Variants in CNTNAP2 observed in about 807,000 individuals in gnomAD.
CNTNAP2 encodes the protein contactin-associated protein-like 2.
Under a neutral mutation model 155.2 loss-of-function variants are expected in CNTNAP2, and 98 were observed. That is an observed-to-expected ratio of 0.63 (90% CI 0.54 to 0.75). CNTNAP2 has a LOEUF of 0.75. Ranked by LOEUF, CNTNAP2 falls within the 30% of genes least tolerant of loss-of-function variation. CNTNAP2 has a pLI of 0.00. For synonymous variants in CNTNAP2, 651 were observed against 631.2 expected, an observed-to-expected ratio of 1.03 and a Z score of -0.47; for missense variants, 1,727 against 1,688.1, an observed-to-expected ratio of 1.02 and a Z score of -0.40.
At chr7:147,122,072 A>C (rs1801126130) in intron 6 of CNTNAP2, 1 of 152,054 alleles carries the variant, frequency 6.6e-6, no homozygotes, top group Admixed American at 6.6e-5. Flanking sequence ...GCTACTCAGG[A>C]GGCTGAGGCA....
At chr7:147,318,273 C>A (rs1399064422) in intron 9 of CNTNAP2, among the ~76,000 whole-genome samples, 1 of 152,084 alleles carries the variant, frequency 6.6e-6, no homozygotes, top group East Asian at 1.9e-4. Flanking sequence ...GAAACCCCAT[C>A]TTTGCAAAAA....
intron 3 of CNTNAP2, among the ~76,000 whole-genome samples, chr7:146,888,946 T>C (rs1254018505): frequency 6.6e-6 from 1 of 152,228 alleles, no homozygotes; most frequent in African/African-American, 2.4e-5. Flanking sequence ...TAGCTAATGA[T>C]ACTACGTTGC....
intron 1 of CNTNAP2, among the ~76,000 whole-genome samples, chr7:146,624,591 T>C (rs1214696332): frequency 6.6e-6 from 1 of 152,064 alleles, no homozygotes; most frequent in Non-Finnish European, 1.5e-5. Context: ...CTCTCTTCCA[T>C]TTTCTATTCC....
intron 1 of CNTNAP2, among the ~76,000 whole-genome samples, chr7:146,643,260 C>A (rs1441156199): frequency 6.6e-6 from 1 of 150,550 alleles, no homozygotes; most frequent in African/African-American, 2.4e-5. Context: ...ATGGTAATGC[C>A]TAGGTTTTCT....
intron 13 of CNTNAP2, among the ~76,000 whole-genome samples, chr7:147,715,039 C>T (rs1193546542): frequency 1.3e-5 from 2 of 152,070 alleles, no homozygotes; most frequent in Non-Finnish European, 2.9e-5. Context: ...GAGTAGTATT[C>T]CCTGATATGC....
At chr7:148,244,289 T>C (rs1402804073) in intron 20 of CNTNAP2, among the ~76,000 whole-genome samples, 1 of 152,224 alleles carries the variant, frequency 6.6e-6, no homozygotes, top group African/African-American at 2.4e-5. Context: ...TGCTTATGTA[T>C]GTGATTTTGT....
chr7:146,454,490 G>T (rs991912621), intron 1 of CNTNAP2, among the ~76,000 whole-genome samples: 2 of 151,960 alleles, frequency 1.3e-5, no homozygotes, highest in African/African-American at 2.4e-5. Flanking sequence ...AAGAAAGTTG[G>T]GAAGGTAGTG....
intron 12 of CNTNAP2, among the ~76,000 whole-genome samples, chr7:147,605,614 A>G (rs970362394): frequency 2.0e-5 from 3 of 152,124 alleles, no homozygotes; most frequent in Non-Finnish European, 4.4e-5. Context: ...ATATAAATCC[A>G]TCTTCCCTAG....
chr7:146,315,034 A>G (rs1800884492), intron 1 of CNTNAP2, among the ~76,000 whole-genome samples: 3 of 152,192 alleles, frequency 2.0e-5, no homozygotes, highest in Admixed American at 1.3e-4. Flanking sequence ...GGAGAAAGCC[A>G]GGGAAGGCCC....
intron 12 of CNTNAP2, among the ~76,000 whole-genome samples, chr7:147,609,473 G>A (rs1801139919): frequency 6.6e-6 from 1 of 152,132 alleles, no homozygotes; most frequent in African/African-American, 2.4e-5. Flanking sequence ...GGAACTTGCA[G>A]TGAGCCAAGA....
chr7:147,791,453 C>CTTT (rs35344971), intron 13 of CNTNAP2, among the ~76,000 whole-genome samples: 12 of 123,438 alleles, frequency 9.7e-5, no homozygotes, highest in African/African-American at 2.9e-4. Context: ...CTCTCTCTCT[C>CTTT]TTTTTTTTTT....
chr7:147,252,827 C>A (rs991086732), intron 8 of CNTNAP2, among the ~76,000 whole-genome samples: 1 of 152,178 alleles, frequency 6.6e-6, no homozygotes, highest in African/African-American at 2.4e-5. Context: ...GATGTAGGTA[C>A]AAGAATTATC....
chr7:147,575,759 T>A (rs2116817410), intron 12 of CNTNAP2, among the ~76,000 whole-genome samples: 1 of 152,112 alleles, frequency 6.6e-6, no homozygotes. Context: ...AAATTTTCCT[T>A]TTTGGTTAAG....
At chr7:147,409,352 A>C (rs1373799599) in intron 10 of CNTNAP2, among the ~76,000 whole-genome samples, 1 of 152,270 alleles carries the variant, frequency 6.6e-6, no homozygotes, top group Non-Finnish European at 1.5e-5. Context: ...AGCCATATGC[A>C]GAAAATTAAA....
At chr7:147,722,164 G>T (rs1796575757) in intron 13 of CNTNAP2, among the ~76,000 whole-genome samples, 1 of 152,194 alleles carries the variant, frequency 6.6e-6, no homozygotes, top group African/African-American at 2.4e-5. Flanking sequence ...CAGTGTGGGA[G>T]AAATACAGAC....
intron 15 of CNTNAP2, among the ~76,000 whole-genome samples, chr7:147,991,528 T>C (rs1801710477): frequency 6.6e-6 from 1 of 152,198 alleles, no homozygotes; most frequent in Admixed American, 6.5e-5. Flanking sequence ...AAAACTTTTA[T>C]TCCTTTGTAC....
chr7:148,319,603 G>A (rs570935769), intron 21 of CNTNAP2, among the ~76,000 whole-genome samples: 7 of 151,900 alleles, frequency 4.6e-5, no homozygotes, highest in African/African-American at 1.2e-4. Flanking sequence ...CCCATGGCTC[G>A]CATTACCACC....
At chr7:148,172,517 C>A in intron 18 of CNTNAP2, 39 bp downstream of exon 18, 1 of 1,516,062 alleles carries the variant, frequency 6.6e-7, no homozygotes, top group South Asian at 1.1e-5. Flanking sequence ...TTTTGCGTGT[C>A]TTTTTAAGCC....
At chr7:148,411,579 T>C (rs1003012265) in intron 23 of CNTNAP2, among the ~76,000 whole-genome samples, 11 of 152,176 alleles carry the variant, frequency 7.2e-5, no homozygotes, top group African/African-American at 2.2e-4. Flanking sequence ...ATCTTTTTTA[T>C]AGTTTGTGGT....
Sources: gnomAD v4.1 joint callset for allele counts (sites outside exome capture counted in the v4.1 genomes callset) on GRCh38, gnomAD v4.1.1 for gene constraint, MANE v1.5 for transcripts, NCBI Gene and HGNC (gene_info 2026-07-23, HGNC 2026-07-21) for gene names.